ADAMTSL3: variants seen among roughly 807,000 people sequenced by gnomAD.
ADAMTSL3 encodes the protein ADAMTS like 3, also known as ADAMTS-like protein 3.
ADAMTSL3 carries 128 observed loss-of-function variants against 201.7 expected under a neutral mutation model. The ratio of observed to expected loss-of-function variants is 0.63; its 90% CI spans 0.55 to 0.73. The LOEUF is 0.73. ADAMTSL3 is among the 30% of genes least tolerant of loss of function. The pLI, the probability that ADAMTSL3 is intolerant of heterozygous loss-of-function variation, is 0.00. For missense variants in ADAMTSL3, 1,990 were observed against 2,119.6 expected, an observed-to-expected ratio of 0.94 and a Z score of 1.20; for synonymous variants, 738 against 748.4, an observed-to-expected ratio of 0.99 and a Z score of 0.23.
intron 2 of ADAMTSL3, among the ~76,000 whole-genome samples, chr15:83,663,899 T>C (rs1475177469): frequency 1.3e-5 from 2 of 152,202 alleles, no homozygotes; most frequent in Non-Finnish European, 2.9e-5. Context: ...GGCACTCCTT[T>C]TTCTCTTTCT....
intron 3 of ADAMTSL3, among the ~76,000 whole-genome samples, chr15:83,747,840 G>T (rs945220305): frequency 2.0e-5 from 3 of 151,370 alleles, no homozygotes; most frequent in African/African-American, 7.3e-5. Flanking sequence ...ATGGAGAAGC[G>T]GATCTTATTT....
At chr15:83,785,679 C>T (rs2063250324) in intron 4 of ADAMTSL3, among the ~76,000 whole-genome samples, 1 of 151,974 alleles carries the variant, frequency 6.6e-6, no homozygotes, top group South Asian at 2.1e-4. Flanking sequence ...GATTTTTCTT[C>T]TATTATATTA....
rs551851608 is a variant in ADAMTSL3, at chr15:83,784,002, A to C, written c.317+10352A>C. Among the ~76,000 whole-genome samples the C allele has an allele frequency of 2.6e-5, 4 of 152,244 alleles. No homozygotes were observed. In the East Asian group the frequency reaches 7.7e-4, roughly 29 times the overall value. On this transcript the variant is annotated intron_variant, in intron 4 of 29. Coordinates refer to ENST00000286744, the MANE Select transcript of ADAMTSL3 (RefSeq NM_207517.3). ...CCTAAAGAGTTGCTGCTTTAGACCT[A>C]TTGCAGCTTTATGTTATTATGGGGA...
chr15:83,754,437 A>G (rs2062687376), intron 3 of ADAMTSL3, among the ~76,000 whole-genome samples: 1 of 152,164 alleles, frequency 6.6e-6, no homozygotes. Flanking sequence ...TTTTGAAGGC[A>G]CAGTGAGATG....
chr15:83,737,493 C>G (rs1348264797), intron 3 of ADAMTSL3, among the ~76,000 whole-genome samples: 1 of 152,188 alleles, frequency 6.6e-6, no homozygotes, highest in African/African-American at 2.4e-5. Flanking sequence ...ACTCTTCTCT[C>G]TTGCCTGCCA....
At chr15:83,868,449 T>G (rs2065020041) in intron 8 of ADAMTSL3, among the ~76,000 whole-genome samples, 1 of 152,210 alleles carries the variant, frequency 6.6e-6, no homozygotes, top group African/African-American at 2.4e-5. Flanking sequence ...ATGACAACTT[T>G]TAAAGAACTG....
rs189827648 is a variant in ADAMTSL3, at chr15:83,855,150, G to C, written c.728-3616G>C. 5.5e-4 allele frequency among the ~76,000 whole-genome samples: 83 copies of C among 152,248 alleles called. 3 individuals carry two copies. The East Asian group carries it at 0.014, about 26-fold the overall frequency. On this transcript the variant is annotated intron_variant, in intron 7 of 29. Transcript: ENST00000286744. ...ACTTCCTGCTTCCTTAGAGTCTGTA[G>C]GTTAGCCATAGATGACAGCTTAGGA...
Position 83,964,540 on chromosome 15 carries a change from A to G in ADAMTSL3, c.2491-5944A>G, listed in dbSNP as rs2067040071. Among the ~76,000 whole-genome samples, 3 of 152,288 alleles carry G rather than the reference A, an allele frequency of 2.0e-5. No individual in the cohort carries two copies. The South Asian group carries it at 6.2e-4, about 32-fold the overall frequency. Reference sequence around the variant, plus strand: ...GGGACTATGTGGAAAGACCAAACCTACGTTTGTTTGGTGTACCTGAAAGTG... The same window carrying G: ...GGGACTATGTGGAAAGACCAAACCTGCGTTTGTTTGGTGTACCTGAAAGTG... On this transcript the variant is annotated intron_variant, in intron 19 of 29. Coordinates refer to ENST00000286744, the MANE Select transcript of ADAMTSL3 (RefSeq NM_207517.3).
chr15:83,869,856 C>T (rs1471341599), intron 8 of ADAMTSL3, among the ~76,000 whole-genome samples: 1 of 152,044 alleles, frequency 6.6e-6, no homozygotes, highest in Non-Finnish European at 1.5e-5. Flanking sequence ...AGGTATGAGG[C>T]AATGAAAACC....
chr15:84,011,462 T>C (rs1484674041), intron 23 of ADAMTSL3, among the ~76,000 whole-genome samples: 1 of 152,322 alleles, frequency 6.6e-6, no homozygotes, highest in East Asian at 1.9e-4. Context: ...CTTACAGTTC[T>C]GGAGGATGGG....
At chr15:83,703,548 C>T (rs1329050828) in intron 2 of ADAMTSL3, among the ~76,000 whole-genome samples, 2 of 152,144 alleles carry the variant, frequency 1.3e-5, no homozygotes, top group Non-Finnish European at 2.9e-5. Flanking sequence ...GAATAAGTCT[C>T]ACGAGATCTG....
intron 5 of ADAMTSL3, among the ~76,000 whole-genome samples, chr15:83,816,489 G>A (rs1296367617): frequency 6.6e-6 from 1 of 152,216 alleles, no homozygotes; most frequent in Non-Finnish European, 1.5e-5. Flanking sequence ...GGAGTCGAGA[G>A]TTAGCTAGCC....
intron 3 of ADAMTSL3, among the ~76,000 whole-genome samples, chr15:83,764,429 C>T (rs550716297): frequency 6.6e-6 from 1 of 152,286 alleles, no homozygotes; most frequent in South Asian, 2.1e-4. Context: ...CCTGCATGGA[C>T]AGCATCAATG....
At chr15:83,986,713 C>T (rs2067483123) in intron 21 of ADAMTSL3, among the ~76,000 whole-genome samples, 1 of 152,178 alleles carries the variant, frequency 6.6e-6, no homozygotes, top group Admixed American at 6.5e-5. Context: ...CTGAAAGCCT[C>T]ATTCAATGAG....
chr15:84,008,868 G>GC (rs1253183185), intron 23 of ADAMTSL3, among the ~76,000 whole-genome samples: 1 of 152,058 alleles, frequency 6.6e-6, no homozygotes, highest in African/African-American at 2.4e-5. Flanking sequence ...GAATGACAAG[G>GC]CAGTTATTTA....
chr15:84,009,069 C>A (rs2067956802), intron 23 of ADAMTSL3, among the ~76,000 whole-genome samples: 1 of 152,186 alleles, frequency 6.6e-6, no homozygotes, highest in African/African-American at 2.4e-5. Flanking sequence ...TTGACAGGTT[C>A]CTCACTGGTC....
chr15:83,890,117 C>G lies in ADAMTSL3; in HGVS notation c.1081C>G (p.Leu361Val). ...CTTTTCTAACACTTTAGGTTATCAGCTCAATTCTGCTGAATGTGTGGATAT... is the reference window on the plus strand; with the variant it reads ...CTTTTCTAACACTTTAGGTTATCAGGTCAATTCTGCTGAATGTGTGGATAT... ...CTVTCGGGYQ[L>V]NSAECVDIRL... Residue 361 changes from leucine to valine, a missense_variant, in exon 11 of 30, where the codon CTC becomes GTC. Transcript: ENST00000286744. 3 of 1,612,710 alleles carry G rather than the reference C, an allele frequency of 1.9e-6. No individual in the cohort carries two copies. Among genetic ancestry groups the G allele is most frequent in the Non-Finnish European group, 2.5e-6 (3 of 1,179,370 alleles).
In ADAMTSL3 at chr15:83,913,130, G is replaced by A; in HGVS notation, c.1739G>A (p.Cys580Tyr). Residue 580 changes from cysteine to tyrosine, a missense_variant, in exon 16 of 30, where the codon TGT becomes TAT. Transcript: ENST00000286744. ...CCCTGGTCAGCCTGCAGTACCACGTGTGGGCCGGGTGTGCAGGTCCGTGAG... is the reference window on the plus strand; with the variant it reads ...CCCTGGTCAGCCTGCAGTACCACGTATGGGCCGGGTGTGCAGGTCCGTGAG... ...PEPWSACSTT[C>Y]GPGVQVREVK... 1 of 1,614,120 alleles carries A rather than the reference G, an allele frequency of 6.2e-7. No homozygotes were observed. Among genetic ancestry groups the A allele is most frequent in the Non-Finnish European group, 8.5e-7 (1 of 1,180,020 alleles).
intron 26 of ADAMTSL3, among the ~76,000 whole-genome samples, chr15:84,022,502 T>A (rs965131991): frequency 2.0e-5 from 3 of 152,250 alleles, no homozygotes; most frequent in African/African-American, 4.8e-5. Flanking sequence ...AAATTATTTT[T>A]AAATAAGCTG....
Sources: allele counts gnomAD v4.1 joint callset (sites outside exome capture counted in the v4.1 genomes callset), GRCh38; gene constraint gnomAD v4.1.1; transcripts MANE v1.5; gene names NCBI Gene and HGNC (gene_info 2026-07-23, HGNC 2026-07-21).